The following KIR2DL1 variants were observed in gnomAD, a reference collection of about 807,000 sequenced individuals.
KIR2DL1 encodes the protein killer cell immunoglobulin like receptor, two Ig domains and long cytoplasmic tail 1, also known as killer cell immunoglobulin-like receptor 2DL1.
Under a neutral mutation model 33.9 loss-of-function variants are expected in KIR2DL1, and 38 were observed. The ratio of observed to expected loss-of-function variants is 1.12; its 90% confidence interval spans 0.86 to 1.47. The LOEUF is 1.47. Among genes scored for constraint, KIR2DL1 ranks in the 40% most tolerant of loss-of-function variants. KIR2DL1 has a pLI of 0.00. For missense variants in KIR2DL1, 531 were observed against 433.9 expected, an observed-to-expected ratio of 1.22 and a Z score of -1.99; for synonymous variants, 179 against 165.9, an observed-to-expected ratio of 1.08 and a Z score of -0.61.
At chr19:54,783,086 C>T in intron 6 of KIR2DL1, 63 bp downstream of exon 6, 2 of 1,545,842 alleles carry the variant, frequency 1.3e-6, no homozygotes, top group Admixed American at 1.7e-5. Context: ...GATGGGAGCA[C>T]TCAGGTGTGT....
chr19:54,782,614 A>G (rs2077124039), intron 5 of KIR2DL1, among the ~76,000 whole-genome samples: 1 of 152,078 alleles, frequency 6.6e-6, no homozygotes, highest in Non-Finnish European at 1.5e-5. Context: ...TGATGTGTTC[A>G]TGATGGATCC....
intron 5 of KIR2DL1, among the ~76,000 whole-genome samples, chr19:54,779,612 T>C (rs763119916): frequency 1.4e-5 from 2 of 146,718 alleles, no homozygotes; most frequent in African/African-American, 2.5e-5. Flanking sequence ...AGGATACCCT[T>C]GTTTTAAGTT....
At position 54,775,270 on chromosome 19, in the gene KIR2DL1, A is replaced by T; in HGVS notation, c.476A>T (p.His159Leu). ...CSSRSSYDMYHLSREGEAHER... is the reference protein window; with the variant it reads ...CSSRSSYDMYLLSREGEAHER... Reference sequence around the variant, plus strand: ...TCCCGGAGCTCCTATGACATGTACCATCTATCCAGGGAAGGGGAGGCCCAT... The same window carrying T: ...TCCCGGAGCTCCTATGACATGTACCTTCTATCCAGGGAAGGGGAGGCCCAT... The change falls in exon 4 of 8, where the codon CAT becomes CTT. Residue 159 changes from histidine (H) to leucine (L), a missense_variant. Transcript: ENST00000336077. 1.2e-6 allele frequency: 2 copies of T among 1,603,324 alleles called. No homozygotes were observed. The highest frequency in any genetic ancestry group is 1.7e-6 in the Non-Finnish European group (2 of 1,172,260).
chr19:54,774,251 A>G (rs2076079140), intron 3 of KIR2DL1, among the ~76,000 whole-genome samples: 2 of 148,574 alleles, frequency 1.3e-5, no homozygotes, highest in South Asian at 4.2e-4. Context: ...GAGAGAAATC[A>G]GGGACACCAA....
chr19:54,774,513 A>G (rs1423121828), intron 3 of KIR2DL1, among the ~76,000 whole-genome samples: 1 of 148,294 alleles, frequency 6.7e-6, no homozygotes, highest in Non-Finnish European at 1.5e-5. Context: ...TGATAGATGG[A>G]TAGATATAGA....
chr19:54,776,125 C>T (rs72487197), intron 4 of KIR2DL1, among the ~76,000 whole-genome samples: 1 of 135,388 alleles, frequency 7.4e-6, no homozygotes, highest in Admixed American at 7.5e-5. Flanking sequence ...CTCCTGACCA[C>T]GTGATCCACC....
rs1048591933 is a variant in KIR2DL1 at position 54,784,196 on chromosome 19, C to T, written c.*383C>T. ...AGCACTTAGACACGTGTTGTTCCAC[C>T]TTCCCTCATGCTGTTCCACCTCCCC... On this transcript the variant is annotated 3_prime_UTR_variant, in exon 8 of 8. Transcript: ENST00000336077. The T allele has an allele frequency of 2.6e-6, 1 of 383,378 alleles. No individual in the cohort carries two copies. The highest frequency in any genetic ancestry group is 4.8e-6 in the Non-Finnish European group (1 of 210,262). 23.7% of individuals were successfully genotyped at this position (383,378 alleles called of 1,614,324 possible). A position where few individuals can be genotyped will look rare whatever the true frequency, so the allele number is the denominator to read the frequency against.
intron 5 of KIR2DL1, among the ~76,000 whole-genome samples, chr19:54,781,776 CT>C (rs1182548402): frequency 1.3e-5 from 2 of 152,128 alleles, no homozygotes; most frequent in Non-Finnish European, 2.9e-5. Context: ...TTCTATTTCG[CT>C]TTTTTTATCT....
In KIR2DL1 at chr19:54,775,439, A is replaced by T. The variant is rs768706101; in HGVS notation, c.645A>T (p.Pro215=). 1.9e-6 allele frequency: 3 copies of T among 1,584,328 alleles called. No homozygotes were observed. Among genetic ancestry groups the T allele is most frequent in the South Asian group, 1.1e-5 (1 of 90,098 alleles). Residue 215 remains proline, a synonymous_variant, in exon 4 of 8, where the codon CCA becomes CCT. Coordinates refer to ENST00000336077, the MANE Select transcript of KIR2DL1 (RefSeq NM_014218.3). ...SPYEWSKSSD[P]LLVSVTGNPS... Reference sequence around the variant, plus strand: ...ACGAGTGGTCAAAGTCAAGTGACCCACTGCTTGTTTCTGTCACAGGTGAGG... The same window carrying T: ...ACGAGTGGTCAAAGTCAAGTGACCCTCTGCTTGTTTCTGTCACAGGTGAGG...
At chr19:54,776,614 C>T (rs2076371957) in intron 4 of KIR2DL1, among the ~76,000 whole-genome samples, 1 of 141,874 alleles carries the variant, frequency 7.0e-6, no homozygotes, top group Non-Finnish European at 1.6e-5. Context: ...AGTGAAATTG[C>T]TGGATACTAT....
chr19:54,781,825 G>T (rs2076990072), intron 5 of KIR2DL1, among the ~76,000 whole-genome samples: 1 of 152,000 alleles, frequency 6.6e-6, no homozygotes, highest in Non-Finnish European at 1.5e-5. Flanking sequence ...GAGAATGCAA[G>T]TTGTTTGATT....
chr19:54,776,570 T>C (rs1230065725), intron 4 of KIR2DL1, among the ~76,000 whole-genome samples: 2 of 146,134 alleles, frequency 1.4e-5, no homozygotes, highest in African/African-American at 2.5e-5. Context: ...CACTTCGATA[T>C]GTTGATTTAC....
At position 54,783,749 on chromosome 19, in the gene KIR2DL1, A is replaced by G. The variant is rs969454517; in HGVS notation, c.983A>G (p.Asp328Gly). ...PSQRPKTPPT[D>G]IIVYTELPNA... ...CAGAGGCCCAAGACACCCCCAACAGATATCATCGTGTACACGGAACTTCCA... is the reference window on the plus strand; with the variant it reads ...CAGAGGCCCAAGACACCCCCAACAGGTATCATCGTGTACACGGAACTTCCA... Residue 328 changes from aspartate (D) to glycine (G), a missense_variant, in exon 8 of 8, where the codon GAT becomes GGT. Transcript: ENST00000336077. 6 of 1,613,850 alleles carry G rather than the reference A, an allele frequency of 3.7e-6. 1 individual carries two copies. The Admixed American group carries it at 1.0e-4, about 27-fold the overall frequency.
chr19:54,783,351 G>A (rs2077262225), intron 6 of KIR2DL1, 135 bp from the exon 7 acceptor site: 6 of 917,122 alleles, frequency 6.5e-6, no homozygotes, highest in African/African-American at 1.6e-5. Context: ...CAGAGAGATA[G>A]AATGTCTGAG....
At chr19:54,770,417 C>G (rs1471700637) in intron 1 of KIR2DL1, among the ~76,000 whole-genome samples, 1 of 115,878 alleles carries the variant, frequency 8.6e-6, no homozygotes, top group East Asian at 2.5e-4. Context: ...GATGGAGATA[C>G]GGGCCTGGGT....
chr19:54,773,475 C>G lies in KIR2DL1; in HGVS notation c.213C>G (p.Arg71=). 6.3e-7 allele frequency: 1 copy of G among 1,587,002 alleles called. No individual in the cohort carries two copies. The highest frequency in any genetic ancestry group is 8.6e-7 in the Non-Finnish European group (1 of 1,158,564). The change falls in exon 3 of 8, where the codon CGC becomes CGG. Residue 71 remains arginine (R), a synonymous_variant. Coordinates refer to ENST00000336077, the MANE Select transcript of KIR2DL1 (RefSeq NM_014218.3). ...HREGMFNDTL[R]LIGEHHDGVS... is the part of the protein sequence containing the mutation. Reference sequence around the variant, plus strand: ...AGGGGATGTTTAACGACACTTTGCGCCTCATTGGAGAACACCATGATGGGG... The same window carrying G: ...AGGGGATGTTTAACGACACTTTGCGGCTCATTGGAGAACACCATGATGGGG...
At chr19:54,776,004 G>C (rs1351477682) in intron 4 of KIR2DL1, among the ~76,000 whole-genome samples, 2 of 146,310 alleles carry the variant, frequency 1.4e-5, no homozygotes, top group African/African-American at 5.0e-5. Context: ...CGATTCTCCT[G>C]CCTCAGCCAC....
chr19:54,782,954 ACCTCAGTGGTCATCATCCTCTTCATCCT>A lies in KIR2DL1; in HGVS notation c.753_780del (p.Val252SerfsTer16), dbSNP rs1446992609. 2 of 1,613,424 alleles carry A rather than the reference ACCTCAGTGGTCATCATCCTCTTCATCCT, an allele frequency of 1.2e-6. No individual in the cohort carries two copies. The highest frequency in any genetic ancestry group is 1.7e-6 in the Non-Finnish European group (2 of 1,179,858). On this transcript the variant is annotated frameshift_variant, in exon 6 of 8. Transcript: ENST00000336077. LOFTEE classifies it high-confidence loss of function. ...CCGACACCTGCACATTCTGATTGGG[ACCTCAGTGGTCATCATCCTCTTCATCCT>A]CCTCTTCTTTCTCCTTCATCGCTGG... is the stretch of plus-strand genomic sequence containing the variant.
At chr19:54,781,954 C>G (rs1208453610) in intron 5 of KIR2DL1, among the ~76,000 whole-genome samples, 8 of 152,088 alleles carry the variant, frequency 5.3e-5, no homozygotes, top group African/African-American at 9.7e-5. Flanking sequence ...ATGCCAATTC[C>G]TATCACTCAC....
Sources: gnomAD v4.1 joint callset for allele counts (sites outside exome capture counted in the v4.1 genomes callset) on GRCh38, gnomAD v4.1.1 for gene constraint, MANE v1.5 for transcripts, NCBI Gene and HGNC (gene_info 2026-07-23, HGNC 2026-07-21) for gene names.